L3MBTL1: variants seen among roughly 807,000 people sequenced by gnomAD.
The protein encoded by L3MBTL1 is lethal(3)malignant brain tumor-like protein 1.
A neutral mutation model predicts 105.3 loss-of-function variants in L3MBTL1; 75 were observed. That is an observed-to-expected ratio of 0.71 (90% CI 0.59 to 0.86). L3MBTL1 has a LOEUF of 0.86. Among genes scored for constraint, L3MBTL1 ranks in the 40% least tolerant of loss-of-function variants. The probability of loss-of-function intolerance (pLI) is 0.00; values close to 1 mark genes in which losing one functional copy is unlikely to be tolerated. For synonymous variants in L3MBTL1, 452 were observed against 436.2 expected, an observed-to-expected ratio of 1.04 and a Z score of -0.45; for missense variants, 1,069 against 1,126.4, an observed-to-expected ratio of 0.95 and a Z score of 0.73.
intron 11 of L3MBTL1, chr20:43,532,264 G>C (rs1376255628): frequency 6.5e-6 from 1 of 152,924 alleles, no homozygotes; most frequent in African/African-American, 2.4e-5. Context: ...TTGTGTTCTG[G>C]GCCAAGTGAT....
chr20:43,528,960 C>G, intron 8 of L3MBTL1: 1 of 605,914 alleles, frequency 1.7e-6, no homozygotes, highest in Non-Finnish European at 2.9e-6. Context: ...GCTAGGCTCA[C>G]TCATCACTGG....
rs2145496476 is a variant in L3MBTL1 at position 43,541,213 on chromosome 20, G to T, written c.*85G>T. The T allele has an allele frequency of 1.5e-5, 23 of 1,544,004 alleles. 1 individual carries two copies. The South Asian group carries it at 2.7e-4, about 18-fold the overall frequency. On this transcript the variant is annotated 3_prime_UTR_variant, in exon 22 of 22. Coordinates refer to ENST00000418998, the MANE Select transcript of L3MBTL1 (RefSeq NM_001377303.1). ...CACAGATATTGTGATTTACTGCAAG[G>T]ATCCTAACACACACTTAAAATCAAG...
chr20:43,513,596 C>G lies in L3MBTL1; in HGVS notation c.93C>G (p.Pro31=), dbSNP rs939628717. 6 of 1,550,490 alleles carry G rather than the reference C, an allele frequency of 3.9e-6. No individual in the cohort carries two copies. The highest frequency in any genetic ancestry group is 5.2e-6 in the Non-Finnish European group (6 of 1,147,012). The change falls in exon 2 of 22, where the codon CCC becomes CCG. Residue 31 remains proline (P), a synonymous_variant. Coordinates refer to ENST00000418998, the MANE Select transcript of L3MBTL1 (RefSeq NM_001377303.1). ...VSMHLVAGDS[P]GSGPHLPATA... is the part of the protein sequence containing the mutation. The stretch of plus-strand genomic sequence containing the variant: ...TGCACTTGGTGGCCGGAGACAGCCC[C>G]GGTTCTGGTCCTCACCTGCCCGCAA...
intron 3 of L3MBTL1, chr20:43,514,349 TG>T: frequency 8.1e-7 from 1 of 1,228,434 alleles, no homozygotes; most frequent in Non-Finnish European, 1.1e-6. Flanking sequence ...TGTGTTAGTT[TG>T]GGGGCGTGGC....
intron 16 of L3MBTL1, among the ~76,000 whole-genome samples, chr20:43,535,400 G>C (rs536136721): frequency 1.3e-5 from 2 of 152,170 alleles, no homozygotes; most frequent in Non-Finnish European, 2.9e-5. Flanking sequence ...TGCTGCAACC[G>C]TGTTTGTCTC....
rs769452199 is a variant in L3MBTL1 at position 43,536,478 on chromosome 20, T to C, written c.2173+20T>C. 3.1e-6 allele frequency: 5 copies of C among 1,612,988 alleles called. No individual in the cohort carries two copies. The highest frequency in any genetic ancestry group is 1.7e-5 in the Admixed American group (1 of 60,016). On this transcript the variant is annotated intron_variant, in intron 19 of 21. Coordinates refer to ENST00000418998, the MANE Select transcript of L3MBTL1 (RefSeq NM_001377303.1). ...TCCAGAGTAAGTCTGGGTTATCTGC[T>C]CCTATGTCCTCCACCACAGAGTGTT...
intron 12 of L3MBTL1, 82 bp from the exon 13 acceptor site, chr20:43,533,260 G>A (rs886578411): frequency 8.0e-7 from 1 of 1,255,818 alleles, no homozygotes; most frequent in Admixed American, 2.2e-5. Flanking sequence ...GATGAGGGTG[G>A]GCCCTGAGCC....
intron 3 of L3MBTL1, 35 bp downstream of exon 3, chr20:43,514,096 A>G: frequency 6.7e-7 from 1 of 1,503,202 alleles, no homozygotes; most frequent in Non-Finnish European, 8.9e-7. Flanking sequence ...AGCCTCGTAA[A>G]CCGCAGCCAT....
At position 43,522,457 on chromosome 20, in the gene L3MBTL1, G is replaced by GTTTTTTTTTTTTTTTTTTTTTTTTTTT. The variant is rs1176856356; in HGVS notation, c.863-6195_863-6169dup. On this transcript the variant is annotated intron_variant, in intron 7 of 21. Coordinates refer to ENST00000418998, the MANE Select transcript of L3MBTL1 (RefSeq NM_001377303.1). Reference sequence around the variant, plus strand: ...TGGTAACTGAATTTTTCCCTGCTAAGTTTTTTTTTTTTTTTTTTTTTTTTT... The same window carrying GTTTTTTTTTTTTTTTTTTTTTTTTTTT: ...TGGTAACTGAATTTTTCCCTGCTAAGTTTTTTTTTTTTTTTTTTTTTTTTTTTTTTTTTTTTTTTTTTTTTTTTTTTT... Among the ~76,000 whole-genome samples the GTTTTTTTTTTTTTTTTTTTTTTTTTTT allele has an allele frequency of 4.2e-5, 4 of 95,894 alleles. 1 individual carries two copies. Among genetic ancestry groups the GTTTTTTTTTTTTTTTTTTTTTTTTTTT allele is most frequent in the Admixed American group, 2.8e-4 (2 of 7,144 alleles). 62.9% of individuals were successfully genotyped at this position (95,894 alleles called of 152,430 possible). A position where few individuals can be genotyped will look rare whatever the true frequency, so the allele number is the denominator to read the frequency against.
rs769017070 is a variant in L3MBTL1 at position 43,540,881 on chromosome 20, G to C, written c.2395-53G>C. 1.9e-6 allele frequency: 3 copies of C among 1,612,398 alleles called. No homozygotes were observed. In the African/African-American group the frequency reaches 4.0e-5, roughly 22 times the overall value. ...CTGTCCTTAAGACGGCAGGAAGCAG[G>C]TGCCCTCCCCAGCGTCACTTCTGCT... On this transcript the variant is annotated intron_variant, in intron 21 of 21. Coordinates refer to ENST00000418998, the MANE Select transcript of L3MBTL1 (RefSeq NM_001377303.1).
chr20:43,512,576 A>C (rs960368716), intron 1 of L3MBTL1, among the ~76,000 whole-genome samples: 2 of 152,220 alleles, frequency 1.3e-5, no homozygotes, highest in African/African-American at 2.4e-5. Flanking sequence ...CAGTCATAGT[A>C]GCCCATTTCA....
At chr20:43,522,456 A>ATTTTTTTTTTTTTTTTT (rs778355165) in intron 7 of L3MBTL1, among the ~76,000 whole-genome samples, 8 of 89,942 alleles carry the variant, frequency 8.9e-5, no homozygotes, top group Non-Finnish European at 1.2e-4. Context: ...TTCCCTGCTA[A>ATTTTTTTTTTTTTTTTT]GTTTTTTTTT....
chr20:43,528,620 C>G, intron 7 of L3MBTL1, 37 bp from the exon 8 acceptor site: 1 of 1,516,712 alleles, frequency 6.6e-7, no homozygotes, highest in Non-Finnish European at 9.2e-7. Flanking sequence ...ATATCAGGAA[C>G]AGCCCAGGAG....
chr20:43,532,047 A>T (rs956487188), intron 11 of L3MBTL1: 1 of 152,178 alleles, frequency 6.6e-6, no homozygotes, highest in African/African-American at 2.4e-5. Context: ...AAAGAAAAAA[A>T]ACCATATTGA....
At chr20:43,534,165 C>T in intron 14 of L3MBTL1, 72 bp downstream of exon 14, 1 of 1,537,744 alleles carries the variant, frequency 6.5e-7, no homozygotes, top group Non-Finnish European at 9.0e-7. Context: ...CAGGCTGGGG[C>T]CCTAGCCTTC....
chr20:43,514,587 C>T (rs1014223680), intron 3 of L3MBTL1, 48 bp from the exon 4 acceptor site: 3 of 1,599,356 alleles, frequency 1.9e-6, no homozygotes, highest in Non-Finnish European at 2.6e-6. Flanking sequence ...CGAGATGGGT[C>T]AAGGACCCGT....
Position 43,514,282 on chromosome 20 carries a change from G to C in L3MBTL1, c.360+221G>C, listed in dbSNP as rs956050668. 2.9e-5 allele frequency: 23 copies of C among 801,186 alleles called. No homozygotes were observed. The Admixed American group carries it at 6.7e-4, about 23-fold the overall frequency. The allele number at this position is 801,186 out of a possible 1,614,324, so 49.6% of individuals were successfully genotyped here. A position where few individuals can be genotyped will look rare whatever the true frequency, so the allele number is the denominator to read the frequency against. ...CGTGGCTTGGAGTGAGGCACTCTGG[G>C]ACTGGGCCTGTGGGTGTCTGGGGGC... On this transcript the variant is annotated intron_variant, in intron 3 of 21. Transcript: ENST00000418998.
At chr20:43,540,696 TC>T (rs1267017880) in intron 20 of L3MBTL1, 56 bp from the exon 21 acceptor site, 4 of 1,538,050 alleles carry the variant, frequency 2.6e-6, no homozygotes, top group African/African-American at 2.7e-5. Flanking sequence ...GGAGGCCAGC[TC>T]TCCCTACATG....
intron 11 of L3MBTL1, 160 bp downstream of exon 11, chr20:43,531,049 TC>T: frequency 1.6e-6 from 1 of 638,948 alleles, no homozygotes; most frequent in Non-Finnish European, 2.7e-6. Flanking sequence ...CTGGGCAGGG[TC>T]CAGGGCCAGA....
Sources: allele counts gnomAD v4.1 joint callset (sites outside exome capture counted in the v4.1 genomes callset), GRCh38; gene constraint gnomAD v4.1.1; transcripts MANE v1.5; gene names NCBI Gene and HGNC (gene_info 2026-07-23, HGNC 2026-07-21).